The following TMEM178B variants were observed in gnomAD, a reference collection of about 807,000 sequenced individuals.
The protein encoded by TMEM178B is transmembrane protein 178B.
TMEM178B carries 5 observed loss-of-function variants against 31.0 expected under a neutral mutation model. The ratio of observed to expected loss-of-function variants is 0.16; its 90% CI spans 0.08 to 0.34. The LOEUF (loss-of-function observed/expected upper bound fraction) is 0.34. Among genes scored for constraint, TMEM178B ranks in the 10% least tolerant of loss-of-function variants. The pLI, the probability that TMEM178B is intolerant of heterozygous loss-of-function variation, is 1.00. For missense variants in TMEM178B, 275 were observed against 400.3 expected, an observed-to-expected ratio of 0.69 and a Z score of 2.67; for synonymous variants, 164 against 164.0, an observed-to-expected ratio of 1.00 and a Z score of 0.00.
At chr7:141,407,432 T>C (rs1800903963) in intron 2 of TMEM178B, among the ~76,000 whole-genome samples, 1 of 152,182 alleles carries the variant, frequency 6.6e-6, no homozygotes, top group Non-Finnish European at 1.5e-5. Flanking sequence ...TGGATGTGCT[T>C]TTCCCCTCAG....
chr7:141,124,135 G>C (rs150548140), intron 1 of TMEM178B, among the ~76,000 whole-genome samples: 4,077 of 152,230 alleles, frequency 0.027, 192 homozygotes, highest in African/African-American at 0.093. Flanking sequence ...GGGAGGCCGA[G>C]GTGGGCAGAT....
chr7:141,435,940 C>G (rs917764975), intron 2 of TMEM178B, among the ~76,000 whole-genome samples: 1 of 152,140 alleles, frequency 6.6e-6, no homozygotes, highest in African/African-American at 2.4e-5. Context: ...GTCCTCCTTC[C>G]TCTGTAGGCC....
At chr7:141,126,881 GTGTGTGTGTGTA>G (rs1457647166) in intron 1 of TMEM178B, among the ~76,000 whole-genome samples, 12 of 152,030 alleles carry the variant, frequency 7.9e-5, no homozygotes, top group African/African-American at 2.9e-4. Flanking sequence ...GTGTGTGTGT[GTGTGTGTGTGTA>G]TGTGTGTTGA....
intron 2 of TMEM178B, among the ~76,000 whole-genome samples, chr7:141,219,036 G>A (rs193218086): frequency 6.6e-6 from 1 of 152,198 alleles, no homozygotes; most frequent in African/African-American, 2.4e-5. Flanking sequence ...CAAAGGGCTT[G>A]GGATGAAACT....
rs549027435 is a variant in TMEM178B, at chr7:141,332,274, C to A, written c.497-105334C>A. On this transcript the variant is annotated intron_variant, in intron 2 of 3. Transcript: ENST00000565468. The stretch of plus-strand genomic sequence containing the variant: ...TAACTCTCATTCTTTTAATTACATA[C>A]ATTATATTGCCAGAAAATTAGAATA... 1.2e-4 allele frequency among the ~76,000 whole-genome samples: 19 copies of A among 152,314 alleles called. No homozygotes were observed. In the Middle Eastern group the frequency reaches 0.01, roughly 82 times the overall value.
At chr7:141,290,983 AT>A (rs1465507153) in intron 2 of TMEM178B, among the ~76,000 whole-genome samples, 5 of 152,278 alleles carry the variant, frequency 3.3e-5, no homozygotes, top group Admixed American at 1.3e-4. Flanking sequence ...CTCTTCCTTG[AT>A]GTCAGAATTG....
At chr7:141,081,414 C>T (rs1461456895) in intron 1 of TMEM178B, among the ~76,000 whole-genome samples, 1 of 152,192 alleles carries the variant, frequency 6.6e-6, no homozygotes, top group African/African-American at 2.4e-5. Context: ...GTGGGTGGAT[C>T]ACCTGAGGTC....
At chr7:141,211,586 A>G (rs568902837) in intron 1 of TMEM178B, among the ~76,000 whole-genome samples, 4 of 152,316 alleles carry the variant, frequency 2.6e-5, no homozygotes, top group African/African-American at 9.6e-5. Context: ...ATTCTTCACA[A>G]TGCTCTGACA....
At chr7:141,463,342 A>G (rs1169317072) in intron 3 of TMEM178B, among the ~76,000 whole-genome samples, 1 of 152,178 alleles carries the variant, frequency 6.6e-6, no homozygotes, top group Non-Finnish European at 1.5e-5. Context: ...CTTGCCACCC[A>G]CAGAGCAGCC....
chr7:141,486,833 T>C, the TMEM178B span, among the ~76,000 whole-genome samples: 2 of 151,870 alleles, frequency 1.3e-5, no homozygotes, highest in Admixed American at 1.3e-4. Context: ...GGTAATGAAA[T>C]AAGTAGTAGT....
At chr7:141,167,369 G>A (rs1017013921) in intron 1 of TMEM178B, among the ~76,000 whole-genome samples, 3 of 152,202 alleles carry the variant, frequency 2.0e-5, no homozygotes, top group African/African-American at 7.2e-5. Flanking sequence ...TCTGTCTTGC[G>A]TATCTCAGCA....
chr7:141,363,942 A>G (rs1799959644), intron 2 of TMEM178B, among the ~76,000 whole-genome samples: 1 of 151,410 alleles, frequency 6.6e-6, no homozygotes, highest in South Asian at 2.1e-4. Context: ...TTTAAAAATG[A>G]AAATAAAAAA....
chr7:141,207,005 A>G (rs1233332642), intron 1 of TMEM178B, among the ~76,000 whole-genome samples: 1 of 152,214 alleles, frequency 6.6e-6, no homozygotes, highest in African/African-American at 2.4e-5. Flanking sequence ...TGACTAGTTT[A>G]GAGAATTCAT....
At chr7:141,228,746 G>A (rs977632121) in intron 2 of TMEM178B, among the ~76,000 whole-genome samples, 9 of 152,124 alleles carry the variant, frequency 5.9e-5, no homozygotes, top group East Asian at 1.9e-4. Context: ...CTGTCTCCCC[G>A]GCTTGTATCA....
chr7:141,487,790 C>T, the TMEM178B span, among the ~76,000 whole-genome samples: 11 of 150,836 alleles, frequency 7.3e-5, no homozygotes, highest in Non-Finnish European at 1.5e-5. Flanking sequence ...TCACGACCTC[C>T]CTTGCTCACA....
At chr7:141,152,667 G>A (rs1041612525) in intron 1 of TMEM178B, among the ~76,000 whole-genome samples, 8 of 152,256 alleles carry the variant, frequency 5.3e-5, no homozygotes, top group South Asian at 2.1e-4. Flanking sequence ...GGGCTCTCTC[G>A]TCCAGTGGTT....
chr7:141,260,703 T>C (rs1797999765), intron 2 of TMEM178B, among the ~76,000 whole-genome samples: 1 of 152,236 alleles, frequency 6.6e-6, no homozygotes. Context: ...TTGGAGTGAA[T>C]GTTATGTAGG....
chr7:141,239,415 G>A (rs1430651599), intron 2 of TMEM178B, among the ~76,000 whole-genome samples: 1 of 152,144 alleles, frequency 6.6e-6, no homozygotes, highest in Admixed American at 6.5e-5. Flanking sequence ...GCCCTTCAGA[G>A]TGTCCTGTTG....
chr7:141,081,458 A>G (rs1794683577), intron 1 of TMEM178B, among the ~76,000 whole-genome samples: 2 of 152,148 alleles, frequency 1.3e-5, no homozygotes. Flanking sequence ...AACATGGTGA[A>G]ACCCCGTCTC....
Sources: allele counts gnomAD v4.1 joint callset (sites outside exome capture counted in the v4.1 genomes callset), GRCh38; gene constraint gnomAD v4.1.1; transcripts MANE v1.5; gene names NCBI Gene and HGNC (gene_info 2026-07-23, HGNC 2026-07-21).